The following CLHC1 variants were observed in gnomAD, a reference collection of about 807,000 sequenced individuals.
CLHC1 encodes clathrin heavy chain linker domain containing 1, also known as clathrin heavy chain linker domain-containing protein 1.
CLHC1 carries 72 observed loss-of-function variants against 69.5 expected under a neutral mutation model. The ratio of observed to expected loss-of-function variants is 1.04; its 90% CI spans 0.86 to 1.26. CLHC1 has a LOEUF of 1.26. CLHC1 is among the 50% of genes most tolerant of loss of function. The probability of loss-of-function intolerance (pLI) is 0.00; values close to 1 mark genes in which losing one functional copy is unlikely to be tolerated. For missense variants in CLHC1, 790 were observed against 679.3 expected, an observed-to-expected ratio of 1.16 and a Z score of -1.81; for synonymous variants, 223 against 224.3, an observed-to-expected ratio of 0.99 and a Z score of 0.05.
intron 9 of CLHC1, among the ~76,000 whole-genome samples, chr2:55,192,833 T>A (rs1008355342): frequency 6.6e-6 from 1 of 150,934 alleles, no homozygotes; most frequent in African/African-American, 2.4e-5. Flanking sequence ...CAAAAGTAGA[T>A]CATGTATCTG....
At chr2:55,184,044 G>C (rs1670170654) in intron 9 of CLHC1, among the ~76,000 whole-genome samples, 2 of 151,756 alleles carry the variant, frequency 1.3e-5, no homozygotes, top group Non-Finnish European at 2.9e-5. Context: ...CACCCAAAGT[G>C]CTGGGATTAC....
At chr2:55,180,903 G>A (rs1669873485) in intron 10 of CLHC1, among the ~76,000 whole-genome samples, 191 bp from the exon 11 acceptor site, 1 of 152,050 alleles carries the variant, frequency 6.6e-6, no homozygotes, top group Non-Finnish European at 1.5e-5. Context: ...CCCGATAATA[G>A]TCAATATGAA....
At chr2:55,216,072 C>T (rs908704908) in intron 4 of CLHC1, 8 of 140,856 alleles carry the variant, frequency 5.7e-5, no homozygotes, top group Admixed American at 3.8e-4. Flanking sequence ...GTCAGGAGTT[C>T]GAGACCAGCC....
intron 4 of CLHC1, chr2:55,215,170 A>C (rs1367044199): frequency 1.3e-5 from 2 of 152,174 alleles, no homozygotes; most frequent in Non-Finnish European, 2.9e-5. Flanking sequence ...TGGCAATATG[A>C]CTGGCCAGAT....
chr2:55,190,981 A>C (rs1558463835), intron 9 of CLHC1, among the ~76,000 whole-genome samples: 1 of 152,220 alleles, frequency 6.6e-6, no homozygotes, highest in Non-Finnish European at 1.5e-5. Context: ...GTAGTCATAG[A>C]GAAAAGACAC....
chr2:55,232,087 C>T (rs1290001277), intron 1 of CLHC1, 136 bp downstream of exon 1: 1 of 152,904 alleles, frequency 6.5e-6, no homozygotes, highest in Non-Finnish European at 1.5e-5. Flanking sequence ...TGCTGATTCT[C>T]TGCCCATCAC....
In CLHC1 at chr2:55,217,911, G is replaced by C. The variant is rs138867292; in HGVS notation, c.265C>G (p.Arg89Gly). The C allele has an allele frequency of 6.2e-7, 1 of 1,600,378 alleles. No homozygotes were observed. Among genetic ancestry groups the C allele is most frequent in the Non-Finnish European group, 8.5e-7 (1 of 1,173,026 alleles). The stretch of plus-strand genomic sequence containing the variant: ...CCATGAAGACAAAATGTAGTTCTTC[G>C]GTCTTTCTTTATTGTCTCAATAAAG... Reference protein sequence around the residue: ...DAFIETIKKDRRTTFCLHGKL... With the variant: ...DAFIETIKKDGRTTFCLHGKL... Residue 89 changes from arginine (R) to glycine (G), a missense_variant, in exon 4 of 13, where the codon CGA becomes GGA. Arg to Gly is a moderately radical substitution (Grantham distance 125, BLOSUM62 -2). Coordinates refer to ENST00000401408, the MANE Select transcript of CLHC1 (RefSeq NM_152385.4).
chr2:55,219,397 T>C, intron 3 of CLHC1, among the ~76,000 whole-genome samples: 1 of 152,134 alleles, frequency 6.6e-6, no homozygotes, highest in Admixed American at 6.5e-5. Context: ...AGCTGGCAAT[T>C]TTGCTTAACC....
chr2:55,202,894 T>C (rs1200983336), intron 9 of CLHC1, among the ~76,000 whole-genome samples: 1 of 110,296 alleles, frequency 9.1e-6, no homozygotes. Context: ...GTGAGACTCA[T>C]CTCAAAAAAA....
intron 9 of CLHC1, among the ~76,000 whole-genome samples, chr2:55,202,289 C>T (rs1573680187): frequency 6.7e-6 from 1 of 149,386 alleles, no homozygotes; most frequent in East Asian, 2.0e-4. Context: ...GGTGCGGTGG[C>T]TCATGCCTGT....
intron 2 of CLHC1, chr2:55,225,617 T>C (rs1029517498): frequency 6.6e-6 from 1 of 152,498 alleles, no homozygotes; most frequent in Non-Finnish European, 1.5e-5. Flanking sequence ...CTTCCTGCCC[T>C]CACCCCGCAC....
At position 55,180,522 on chromosome 2, in the gene CLHC1, C is replaced by A. The variant is rs1669827052; in HGVS notation, c.1372G>T (p.Asp458Tyr). 1 of 1,613,204 alleles carries A rather than the reference C, an allele frequency of 6.2e-7. No homozygotes were observed. Among genetic ancestry groups the A allele is most frequent in the Non-Finnish European group, 8.5e-7 (1 of 1,179,314 alleles). ...CTTTTTAACTTACCGGTAGTAAAGT[C>A]CTTCAACTGCTGTATGTACTCCATG... ...RVMEYIQQLKDFTTDDLLQLL... is the reference protein window; with the variant it reads ...RVMEYIQQLKYFTTDDLLQLL... The change falls in exon 11 of 13, where the codon GAC becomes TAC. Residue 458 changes from aspartate to tyrosine, a missense_variant. Asp to Tyr is a radical substitution (Grantham distance 160). Coordinates refer to ENST00000401408, the MANE Select transcript of CLHC1 (RefSeq NM_152385.4).
intron 9 of CLHC1, among the ~76,000 whole-genome samples, chr2:55,185,083 T>C (rs1386691682): frequency 1.3e-5 from 2 of 151,910 alleles, no homozygotes. Context: ...ATTAAAATAA[T>C]GGTAAAGGGA....
chr2:55,188,142 C>T (rs1215036523), intron 9 of CLHC1, among the ~76,000 whole-genome samples: 2 of 151,890 alleles, frequency 1.3e-5, no homozygotes, highest in African/African-American at 4.8e-5. Flanking sequence ...AGCAAGTCTC[C>T]ATCTGTACAA....
At chr2:55,208,868 T>C (rs1265468920) in intron 7 of CLHC1, among the ~76,000 whole-genome samples, 158 bp from the exon 8 acceptor site, 14 of 23,900 alleles carry the variant, frequency 5.9e-4, no homozygotes, top group Middle Eastern at 0.016. Context: ...CTTTCCTCTT[T>C]TTTTTTTTTT....
Position 55,177,796 on chromosome 2 carries a change from G to A in CLHC1, c.1385-15C>T. The A allele has an allele frequency of 2.5e-6, 4 of 1,587,648 alleles. No individual in the cohort carries two copies. Among genetic ancestry groups the A allele is most frequent in the East Asian group, 2.2e-5 (1 of 44,682 alleles). On this transcript the variant is annotated splice_polypyrimidine_tract_variant and intron_variant, in intron 11 of 12. Coordinates refer to ENST00000401408, the MANE Select transcript of CLHC1 (RefSeq NM_152385.4). Reference sequence around the variant, plus strand: ...CAACAGGTCATCTGAAGGCAAAAATGAAAAAGTTTATCTCAATGTCCTAAT... The same window carrying A: ...CAACAGGTCATCTGAAGGCAAAAATAAAAAAGTTTATCTCAATGTCCTAAT...
intron 3 of CLHC1, among the ~76,000 whole-genome samples, chr2:55,221,696 G>A (rs2104058172): frequency 6.6e-6 from 1 of 152,314 alleles, no homozygotes; most frequent in Non-Finnish European, 1.5e-5. Context: ...GATAGTCTGG[G>A]CTAGGCACTG....
At chr2:55,223,767 C>T (rs184570356) in intron 2 of CLHC1, among the ~76,000 whole-genome samples, 417 of 152,058 alleles carry the variant, frequency 2.7e-3, no homozygotes, top group Non-Finnish European at 3.9e-3. Context: ...GAAGCAGGGT[C>T]AGGTTCACGC....
chr2:55,223,540 C>G (rs1054717002), intron 2 of CLHC1, among the ~76,000 whole-genome samples: 6 of 152,218 alleles, frequency 3.9e-5, no homozygotes, highest in Admixed American at 1.3e-4. Flanking sequence ...CGCCAAGGGT[C>G]GGCGCGACCG....
Sources: gnomAD v4.1 joint callset for allele counts (sites outside exome capture counted in the v4.1 genomes callset) on GRCh38, gnomAD v4.1.1 for gene constraint, MANE v1.5 for transcripts, NCBI Gene and HGNC (gene_info 2026-07-23, HGNC 2026-07-21) for gene names.